The following SOX6 variants were observed in gnomAD, a reference collection of about 807,000 sequenced individuals.
The protein encoded by SOX6 is SRY-box transcription factor 6, also known as transcription factor SOX-6.
SOX6 carries 11 observed loss-of-function variants against 97.8 expected under a neutral mutation model. The observed-to-expected ratio is 0.11, with a 90% confidence interval of 0.07 to 0.19. The LOEUF (loss-of-function observed/expected upper bound fraction) is 0.19, where lower values mean the gene tolerates loss of function less well. SOX6 is among the 10% of genes least tolerant of loss of function. The probability of loss-of-function intolerance (pLI) is 1.00; values close to 1 mark genes in which losing one functional copy is unlikely to be tolerated. For missense variants in SOX6, 810 were observed against 1,039.5 expected, an observed-to-expected ratio of 0.78 and a Z score of 3.04; for synonymous variants, 360 against 371.4, an observed-to-expected ratio of 0.97 and a Z score of 0.35.
chr11:16,565,791 A>G (rs1002981312), intron 4 of SOX6, among the ~76,000 whole-genome samples: 8 of 151,954 alleles, frequency 5.3e-5, no homozygotes, highest in African/African-American at 1.9e-4. Context: ...AATGCAGTAA[A>G]TATCAATTGA....
chr11:16,483,623 A>C (rs1349874389), intron 4 of SOX6, among the ~76,000 whole-genome samples: 1 of 152,102 alleles, frequency 6.6e-6, no homozygotes, highest in African/African-American at 2.4e-5. Flanking sequence ...GCCACTCTAC[A>C]GTTTGCTGTC....
intron 4 of SOX6, among the ~76,000 whole-genome samples, chr11:16,595,088 C>A (rs1254555120): frequency 1.3e-5 from 2 of 152,104 alleles, no homozygotes; most frequent in Admixed American, 1.3e-4. Flanking sequence ...TTTAATATGA[C>A]TAAGAGGATG....
At chr11:16,259,159 T>C (rs1257231442) in intron 3 of SOX6, among the ~76,000 whole-genome samples, 1 of 151,920 alleles carries the variant, frequency 6.6e-6, no homozygotes, top group Non-Finnish European at 1.5e-5. Flanking sequence ...TATGAAAATA[T>C]ATTTATTTCA....
intron 3 of SOX6, among the ~76,000 whole-genome samples, chr11:16,616,111 C>T (rs1848468331): frequency 6.6e-6 from 1 of 152,090 alleles, no homozygotes; most frequent in Admixed American, 6.5e-5. Context: ...CATTTATAGA[C>T]CCACTTGCCT....
intron 1 of SOX6, chr11:16,465,561 G>C (rs1306610665): frequency 1.3e-5 from 2 of 152,158 alleles, no homozygotes; most frequent in Admixed American, 1.3e-4. Context: ...GCCTGCCTTA[G>C]TTTTAAGGAA....
chr11:16,736,088 T>C (rs190415400), intron 2 of SOX6, among the ~76,000 whole-genome samples: 1 of 152,328 alleles, frequency 6.6e-6, no homozygotes, highest in East Asian at 1.9e-4. Flanking sequence ...CTAGGCCTCA[T>C]ATAAGATACC....
intron 6 of SOX6, among the ~76,000 whole-genome samples, chr11:16,118,929 T>C (rs1421552320): frequency 6.6e-6 from 1 of 152,068 alleles, no homozygotes. Flanking sequence ...TTGAAAGAAA[T>C]GTTTCCAATG....
rs1458991977 is a variant in SOX6, at chr11:16,583,616, T to TATATATATATACACACACACAC, written n.609+28464_609+28465insGTGTGTGTGTGTATATATATAT. ...ATGTATATATGTGTATATATATACA[T>TATATATATATACACACACACAC]ATATATATATATATATATATACACA... On this transcript the variant is annotated intron_variant and non_coding_transcript_variant, in intron 4 of 5. Transcript: ENST00000524520. 1.0e-3 allele frequency among the ~76,000 whole-genome samples: 54 copies of TATATATATATACACACACACAC among 52,506 alleles called. 1 individual carries two copies. Among genetic ancestry groups the TATATATATATACACACACACAC allele is most frequent in the African/African-American group, 4.0e-3 (49 of 12,394 alleles). 34.4% of individuals were successfully genotyped at this position (52,506 alleles called of 152,430 possible). A position where few individuals can be genotyped will look rare whatever the true frequency, so the allele number is the denominator to read the frequency against.
chr11:16,512,533 ATTAT>A lies in SOX6; in HGVS notation n.610-36149_610-36146del, dbSNP rs1860896073. Among the ~76,000 whole-genome samples the A allele has an allele frequency of 2.6e-5, 4 of 151,916 alleles. No individual in the cohort carries two copies. In the South Asian group the frequency reaches 8.3e-4, roughly 32 times the overall value. ...CACACACATCTCATTAATAATTGTG[ATTAT>A]TTAAGAATAAAATTAAAGTAGTGCT... On this transcript the variant is annotated intron_variant and non_coding_transcript_variant, in intron 4 of 5. Coordinates refer to the SOX6 transcript ENST00000524520.
intron 6 of SOX6, among the ~76,000 whole-genome samples, chr11:16,143,137 A>G (rs534938308): frequency 1.3e-5 from 2 of 152,340 alleles, no homozygotes; most frequent in Admixed American, 1.3e-4. Flanking sequence ...AACCCATCAG[A>G]CTAACAGCGG....
At chr11:16,731,775 T>C (rs1359929576) in intron 2 of SOX6, among the ~76,000 whole-genome samples, 1 of 152,300 alleles carries the variant, frequency 6.6e-6, no homozygotes, top group African/African-American at 2.4e-5. Context: ...ATAAAGGGTA[T>C]TCAATTAGGA....
At chr11:16,229,586 G>C (rs1852788525) in intron 4 of SOX6, among the ~76,000 whole-genome samples, 1 of 151,578 alleles carries the variant, frequency 6.6e-6, no homozygotes, top group African/African-American at 2.4e-5. Context: ...TTAAATATGG[G>C]ATCTATAACA....
In SOX6 at chr11:16,605,642, G is replaced by A. The variant is rs1201034799; in HGVS notation, n.609+6439C>T. ...AACTCCTCCGAGTAAACTTTATCCCGGCGAGAGAGCGGCGGAGATCCTCGA... is the reference window on the plus strand; with the variant it reads ...AACTCCTCCGAGTAAACTTTATCCCAGCGAGAGAGCGGCGGAGATCCTCGA... On this transcript the variant is annotated intron_variant and non_coding_transcript_variant, in intron 4 of 5. Transcript: ENST00000524520. The surrounding 1 kb of genome is among the most constrained non-coding windows in gnomAD (Gnocchi z 5.3). Among the ~76,000 whole-genome samples the A allele has an allele frequency of 2.0e-5, 3 of 152,010 alleles. No individual in the cohort carries two copies. Among genetic ancestry groups the A allele is most frequent in the East Asian group, 2.0e-4 (1 of 5,114 alleles).
rs534389250 is a variant in SOX6, at chr11:16,120,390, G to A, written c.778-8467C>T. 2.6e-5 allele frequency among the ~76,000 whole-genome samples: 4 copies of A among 151,668 alleles called. No homozygotes were observed. In the East Asian group the frequency reaches 5.8e-4, roughly 22 times the overall value. ...ATAATGTAATGTCTTCCCAGGATTT[G>A]GCACACTATTCCTAGCACTCTTCAA... On this transcript the variant is annotated intron_variant, in intron 6 of 15. Transcript: ENST00000683767.
chr11:16,021,464 AATGAATGATC>A (rs1855057549), intron 12 of SOX6, among the ~76,000 whole-genome samples: 1 of 152,128 alleles, frequency 6.6e-6, no homozygotes, highest in Admixed American at 6.6e-5. Flanking sequence ...TTAGTAATTT[AATGAATGATC>A]AAAAATGTAG....
chr11:16,653,944 A>T (rs1342722467), intron 3 of SOX6, among the ~76,000 whole-genome samples: 3 of 151,912 alleles, frequency 2.0e-5, no homozygotes, highest in Admixed American at 2.0e-4. Context: ...CAAAATATGA[A>T]TTTAACACAA....
intron 1 of SOX6, chr11:16,402,951 G>A: frequency 1.0e-6 from 1 of 959,950 alleles, no homozygotes; most frequent in Admixed American, 2.2e-5. Context: ...TTTACACCAA[G>A]GTGGGGGAGA....
At chr11:16,183,595 C>A (rs1851397074) in intron 6 of SOX6, among the ~76,000 whole-genome samples, 1 of 151,998 alleles carries the variant, frequency 6.6e-6, no homozygotes, top group Non-Finnish European at 1.5e-5. Context: ...AAAATACCAT[C>A]TGTATGCTAC....
intron 1 of SOX6, among the ~76,000 whole-genome samples, chr11:16,454,230 G>A (rs537926918): frequency 1.3e-5 from 2 of 152,036 alleles, no homozygotes; most frequent in South Asian, 4.1e-4. Context: ...AGCAGCAGCT[G>A]TTCAGAAAAA....
Sources: gnomAD v4.1 joint callset for allele counts (sites outside exome capture counted in the v4.1 genomes callset) on GRCh38, gnomAD v4.1.1 for gene constraint, Gnocchi (gnomAD v3.1) non-coding constraint, MANE v1.5 for transcripts, NCBI Gene and HGNC (gene_info 2026-07-23, HGNC 2026-07-21) for gene names.